Variants in RERE observed in about 807,000 individuals in gnomAD.
The protein encoded by RERE is arginine-glutamic acid dipeptide repeats.
Under a neutral mutation model 146.1 loss-of-function variants are expected in RERE, and 40 were observed. That is an observed-to-expected ratio of 0.27 (90% CI 0.21 to 0.36). The LOEUF is 0.36. Ranked by LOEUF, RERE falls within the 10% of genes least tolerant of loss-of-function variation. The probability of loss-of-function intolerance (pLI) is 1.00; values close to 1 mark genes in which losing one functional copy is unlikely to be tolerated. For synonymous variants in RERE, 1,003 were observed against 866.0 expected, an observed-to-expected ratio of 1.16 and a Z score of -2.78; for missense variants, 1,933 against 2,138.7, an observed-to-expected ratio of 0.90 and a Z score of 1.90.
At chr1:8,695,487 T>C (rs144888789) in intron 1 of RERE, among the ~76,000 whole-genome samples, 3,930 of 148,904 alleles carry the variant, frequency 0.026, 157 homozygotes, top group African/African-American at 0.091. Context: ...TGGTAGCTCA[T>C]GCCTATAATC....
intron 1 of RERE, among the ~76,000 whole-genome samples, chr1:8,745,558 C>T (rs1197035101): frequency 6.6e-6 from 1 of 152,128 alleles, no homozygotes; most frequent in African/African-American, 2.4e-5. Context: ...GATCGCCTGG[C>T]TAAACTGCAA....
chr1:8,496,761 G>A (rs1199309883), intron 9 of RERE, among the ~76,000 whole-genome samples: 1 of 152,164 alleles, frequency 6.6e-6, no homozygotes, highest in African/African-American at 2.4e-5. Flanking sequence ...TGCCACGAGG[G>A]TGATCACAGA....
chr1:8,523,423 A>G (rs975705538), intron 7 of RERE, among the ~76,000 whole-genome samples: 1 of 152,192 alleles, frequency 6.6e-6, no homozygotes, highest in Admixed American at 6.5e-5. Context: ...CATTCCCAAC[A>G]TTTCCTGATA....
At chr1:8,773,322 A>G (rs1364504772) in intron 1 of RERE, among the ~76,000 whole-genome samples, 1 of 152,238 alleles carries the variant, frequency 6.6e-6, no homozygotes, top group African/African-American at 2.4e-5. Flanking sequence ...TGCTATAGCA[A>G]TAATATGAAA....
intron 4 of RERE, among the ~76,000 whole-genome samples, chr1:8,576,371 A>C (rs979558627): frequency 6.6e-6 from 1 of 152,250 alleles, no homozygotes; most frequent in Non-Finnish European, 1.5e-5. Context: ...AAACAATCAG[A>C]GTTAAAACTC....
chr1:8,496,749 A>G (rs185108972), intron 9 of RERE, among the ~76,000 whole-genome samples: 115 of 152,328 alleles, frequency 7.5e-4, no homozygotes, highest in African/African-American at 2.7e-3. Context: ...GTTCTATGCA[A>G]CTGCCACGAG....
At chr1:8,540,162 C>T (rs145821443) in intron 7 of RERE, among the ~76,000 whole-genome samples, 169 of 152,238 alleles carry the variant, frequency 1.1e-3, no homozygotes, top group Middle Eastern at 3.4e-3. Context: ...GTGGTGCCAA[C>T]GCAGCTCACT....
chr1:8,511,104 A>T (rs1017361426), intron 7 of RERE, among the ~76,000 whole-genome samples: 9 of 152,142 alleles, frequency 5.9e-5, no homozygotes, highest in Non-Finnish European at 1.2e-4. Context: ...TATTTAGCTT[A>T]AAAAAACCCA....
chr1:8,662,261 A>C (rs369179488), intron 1 of RERE, among the ~76,000 whole-genome samples: 1 of 152,314 alleles, frequency 6.6e-6, no homozygotes, highest in African/African-American at 2.4e-5. Context: ...TACAAACACC[A>C]TCTTACCTCT....
intron 4 of RERE, among the ~76,000 whole-genome samples, chr1:8,605,383 C>A (rs1646690806): frequency 6.6e-6 from 1 of 152,164 alleles, no homozygotes; most frequent in South Asian, 2.1e-4. Flanking sequence ...CCACCTGCCT[C>A]AGCCTCCCAA....
intron 12 of RERE, among the ~76,000 whole-genome samples, chr1:8,406,734 G>C (rs1643451507): frequency 6.6e-6 from 1 of 152,104 alleles, no homozygotes; most frequent in South Asian, 2.1e-4. Flanking sequence ...TTTTGGGAGA[G>C]GGAGAATAGT....
chr1:8,560,403 T>C (rs1020831401), intron 4 of RERE, among the ~76,000 whole-genome samples: 18 of 152,212 alleles, frequency 1.2e-4, no homozygotes, highest in African/African-American at 4.3e-4. Flanking sequence ...TAGTAATTCA[T>C]TTTGTTTTGT....
At chr1:8,584,297 T>G (rs1646401232) in intron 4 of RERE, among the ~76,000 whole-genome samples, 1 of 152,090 alleles carries the variant, frequency 6.6e-6, no homozygotes, top group African/African-American at 2.4e-5. Flanking sequence ...GACTTACACC[T>G]GTAATCCCAA....
chr1:8,681,582 C>T (rs566309401), intron 1 of RERE, among the ~76,000 whole-genome samples: 4 of 152,096 alleles, frequency 2.6e-5, no homozygotes, highest in Non-Finnish European at 5.9e-5. Context: ...ATCATTAATA[C>T]CTAAATTTGG....
intron 4 of RERE, among the ~76,000 whole-genome samples, chr1:8,563,102 C>A (rs1305688224): frequency 6.6e-6 from 1 of 152,182 alleles, no homozygotes; most frequent in African/African-American, 2.4e-5. Context: ...GTGTTGTCAT[C>A]AGCAACACAC....
chr1:8,689,874 T>G (rs544693551), intron 1 of RERE, among the ~76,000 whole-genome samples: 1 of 152,258 alleles, frequency 6.6e-6, no homozygotes, highest in East Asian at 1.9e-4. Context: ...TTGCATCTCA[T>G]TTTGTGTAAC....
In RERE at chr1:8,497,464, T is replaced by G. The variant is rs1215967103; in HGVS notation, c.945A>C (p.Glu315Asp). 1 of 1,614,042 alleles carries G rather than the reference T, an allele frequency of 6.2e-7. No homozygotes were observed. The highest frequency in any genetic ancestry group is 2.2e-5 in the East Asian group (1 of 44,894). ...PDGDTVTQHE[E>D]LVWMPGVNDC... is the part of the protein sequence containing the mutation. ...CGTTAACTCCAGGCATCCAGACCAG[T>G]TCCTCATGTTGGGTCACTGTATCAC... The change falls in exon 9 of 23, where the codon GAA becomes GAC. Residue 315 changes from glutamate to aspartate, a missense_variant. Glu to Asp is a conservative substitution (Grantham distance 45). Transcript: ENST00000400908.
At chr1:8,743,710 C>T (rs2124506499) in intron 1 of RERE, among the ~76,000 whole-genome samples, 1 of 152,098 alleles carries the variant, frequency 6.6e-6, no homozygotes, top group South Asian at 2.1e-4. Flanking sequence ...TTCTCTCTAC[C>T]AAGACTGATC....
At chr1:8,501,584 G>A (rs1645158075) in intron 8 of RERE, among the ~76,000 whole-genome samples, 1 of 131,780 alleles carries the variant, frequency 7.6e-6, no homozygotes, top group Non-Finnish European at 1.7e-5. Flanking sequence ...GGACCCCTCT[G>A]CCCGGCCAGC....
Sources: gnomAD v4.1 joint callset for allele counts (sites outside exome capture counted in the v4.1 genomes callset) on GRCh38, gnomAD v4.1.1 for gene constraint, MANE v1.5 for transcripts, NCBI Gene and HGNC (gene_info 2026-07-23, HGNC 2026-07-21) for gene names.